Variants in COPG1 observed in about 807,000 individuals in gnomAD.
The protein encoded by COPG1 is coat protein complex I subunit gamma 1.
In COPG1, 29 loss-of-function variants were observed where a neutral mutation model predicts 102.8. The observed-to-expected ratio is 0.28, with a 90% CI of 0.21 to 0.38. The LOEUF is 0.38. COPG1 is among the 10% of genes least tolerant of loss of function. The pLI is 1.00. For synonymous variants in COPG1, 406 were observed against 421.6 expected (o/e 0.96, Z 0.45); for missense variants, 875 against 1,132.7 (o/e 0.77, Z 3.27).
intron 7 of COPG1, 123 bp from the exon 8 acceptor site, chr3:129,255,945 G>C: frequency 1.4e-6 from 1 of 740,394 alleles, no homozygotes; most frequent in Non-Finnish European, 2.3e-6. Context: ...TTTGTCCATG[G>C]TCTCTGAGGA....
intron 15 of COPG1, 53 bp downstream of exon 15, chr3:129,267,152 C>A: frequency 7.2e-7 from 1 of 1,388,506 alleles, no homozygotes; most frequent in South Asian, 1.2e-5. Flanking sequence ...TGGACCCAAG[C>A]AGCTTTCCTT....
chr3:129,273,470 T>A (rs1940218286), intron 21 of COPG1, among the ~76,000 whole-genome samples: 1 of 152,260 alleles, frequency 6.6e-6, no homozygotes, highest in Non-Finnish European at 1.5e-5. Flanking sequence ...GGAAGTGGTA[T>A]AATTGAAATC....
At chr3:129,253,681 A>T (rs1205129042) in intron 5 of COPG1, among the ~76,000 whole-genome samples, 1 of 152,190 alleles carries the variant, frequency 6.6e-6, no homozygotes, top group Non-Finnish European at 1.5e-5. Flanking sequence ...GTCCTGAAGG[A>T]TGAGTAAGAA....
chr3:129,262,486 C>T (rs921307522), intron 12 of COPG1, among the ~76,000 whole-genome samples: 1 of 152,060 alleles, frequency 6.6e-6, no homozygotes, highest in Non-Finnish European at 1.5e-5. Context: ...ATCTCCTGAC[C>T]TCATGATCAA....
chr3:129,254,000 CAAAA>C (rs58354730), intron 5 of COPG1, among the ~76,000 whole-genome samples: 1 of 74,020 alleles, frequency 1.4e-5, no homozygotes. Context: ...GACTGCGTCT[CAAAA>C]AAAAAAAAAA....
intron 15 of COPG1, 51 bp downstream of exon 15, chr3:129,267,150 A>G (rs1325452701): frequency 7.1e-7 from 1 of 1,413,862 alleles, no homozygotes; most frequent in East Asian, 2.3e-5. Context: ...CTTGGACCCA[A>G]GCAGCTTTCC....
intron 4 of COPG1, 33 bp from the exon 5 acceptor site, chr3:129,252,843 G>A (rs777692321): frequency 1.9e-5 from 30 of 1,608,290 alleles, no homozygotes; most frequent in Admixed American, 1.5e-4. Context: ...TGGTGAGCCC[G>A]GGCTGATAGG....
chr3:129,252,458 G>T (rs917466076), intron 3 of COPG1, 97 bp downstream of exon 3: 1 of 1,065,874 alleles, frequency 9.4e-7, no homozygotes, highest in African/African-American at 1.6e-5. Flanking sequence ...GACAGCCTCT[G>T]TGTGGCTGTA....
At chr3:129,255,716 C>G (rs1939796763) in intron 7 of COPG1, among the ~76,000 whole-genome samples, 1 of 151,910 alleles carries the variant, frequency 6.6e-6, no homozygotes, top group Non-Finnish European at 1.5e-5. Context: ...CTCCTGACTT[C>G]AAGTGATCCA....
At chr3:129,267,369 C>G (rs997074640) in intron 15 of COPG1, 2 of 302,362 alleles carry the variant, frequency 6.6e-6, no homozygotes, top group African/African-American at 4.5e-5. Context: ...CGCCTGTAAT[C>G]CCAGCACTTT....
At chr3:129,261,376 G>A (rs967336831) in intron 12 of COPG1, among the ~76,000 whole-genome samples, 1 of 152,172 alleles carries the variant, frequency 6.6e-6, no homozygotes, top group Non-Finnish European at 1.5e-5. Context: ...GCAAGTCAAG[G>A]AGAGAGAAGG....
chr3:129,270,999 G>A (rs1940171582), intron 18 of COPG1, among the ~76,000 whole-genome samples: 1 of 152,222 alleles, frequency 6.6e-6, no homozygotes, highest in Admixed American at 6.5e-5. Flanking sequence ...CCAACCCCTA[G>A]TAATTCTGAT....
Position 129,267,907 on chromosome 3 carries a change from A to C in COPG1, c.1545-30A>C, listed in dbSNP as rs1560067047. ...CCTCCTGCCATCCCTGCTGGGTCCC[A>C]GTCAGGACCACCTTGTGTCCTGGCT... On this transcript the variant is annotated intron_variant, in intron 15 of 23. Coordinates refer to ENST00000314797, the MANE Select transcript of COPG1 (RefSeq NM_016128.4). The C allele has an allele frequency of 1.9e-6, 3 of 1,579,184 alleles. No homozygotes were observed. The South Asian group carries it at 3.3e-5, about 18-fold the overall frequency.
At chr3:129,253,041 G>A in intron 5 of COPG1, 86 bp downstream of exon 5, 1 of 1,212,190 alleles carries the variant, frequency 8.2e-7, no homozygotes, top group Non-Finnish European at 1.2e-6. Context: ...AGTGAGACTT[G>A]GTTGCATATT....
rs1226503184 is a variant in COPG1 at position 129,263,946 on chromosome 3, C to T, written c.1171C>T (p.Pro391Ser). 6.2e-7 allele frequency: 1 copy of T among 1,614,172 alleles called. No individual in the cohort carries two copies. The highest frequency in any genetic ancestry group is 8.5e-7 in the Non-Finnish European group (1 of 1,180,024). The change falls in exon 13 of 24, where the codon CCT becomes TCT. Residue 391 changes from proline (P) to serine (S), a missense_variant. Physicochemically the swap from Pro to Ser is moderately conservative, Grantham distance 74. Coordinates refer to ENST00000314797, the MANE Select transcript of COPG1 (RefSeq NM_016128.4). ...QAISALCQKY[P>S]RKHAVLMNFL... ...CATCAGTGCCCTGTGTCAGAAATATCCTCGCAAACACGCCGTCCTTATGAA... is the reference window on the plus strand; with the variant it reads ...CATCAGTGCCCTGTGTCAGAAATATTCTCGCAAACACGCCGTCCTTATGAA...
intron 15 of COPG1, 43 bp from the exon 16 acceptor site, chr3:129,267,894 C>A: frequency 1.3e-6 from 2 of 1,506,912 alleles, no homozygotes; most frequent in Middle Eastern, 1.7e-4. Context: ...TCCTGCCATC[C>A]CTGCTGGGTC....
chr3:129,274,814 TGATTTCTACCTCC>T lies in COPG1; in HGVS notation c.2257-23_2257-11del. 1 of 1,603,020 alleles carries T rather than the reference TGATTTCTACCTCC, an allele frequency of 6.2e-7. No individual in the cohort carries two copies. Among genetic ancestry groups the T allele is most frequent in the Non-Finnish European group, 8.5e-7 (1 of 1,173,486 alleles). The stretch of plus-strand genomic sequence containing the variant: ...GCCCGTAGGTGTGTAGATGGGTGCC[TGATTTCTACCTCC>T]ATCTCTCCAGCTGGAAGATCTGGAA... On this transcript the variant is annotated splice_polypyrimidine_tract_variant and intron_variant, in intron 21 of 23. Transcript: ENST00000314797.
At chr3:129,263,879 G>A (rs745596226) in intron 12 of COPG1, 25 bp from the exon 13 acceptor site, 7 of 1,604,240 alleles carry the variant, frequency 4.4e-6, no homozygotes, top group Non-Finnish European at 6.0e-6. Flanking sequence ...AGGGCCTGCT[G>A]CTCATGCACG....
rs183721551 is a variant in COPG1 at position 129,267,439 on chromosome 3, C to G, written c.1544+340C>G. 5.4e-3 allele frequency among the ~76,000 whole-genome samples: 826 copies of G among 152,206 alleles called. 10 individuals are homozygous for G. The highest frequency in any genetic ancestry group is 0.017 in the African/African-American group (709 of 41,530). On this transcript the variant is annotated intron_variant, in intron 15 of 23. Transcript: ENST00000314797. The stretch of plus-strand genomic sequence containing the variant: ...GATTGAGACCGTCCTGGCTAACACG[C>G]TGAAACCCCGTCTCTACTACAAATA...
Sources: allele counts gnomAD v4.1 joint callset (sites outside exome capture counted in the v4.1 genomes callset), GRCh38; gene constraint gnomAD v4.1.1; transcripts MANE v1.5; gene names NCBI Gene and HGNC (gene_info 2026-07-23, HGNC 2026-07-21).